MEMO1: variants seen among roughly 807,000 people sequenced by gnomAD.
The protein encoded by MEMO1 is protein MEMO1.
In MEMO1, 6 loss-of-function variants were observed where a neutral mutation model predicts 45.2. The ratio of observed to expected loss-of-function variants is 0.13; its 90% confidence interval spans 0.07 to 0.26. MEMO1 has a LOEUF of 0.26. Among genes scored for constraint, MEMO1 ranks in the 10% least tolerant of loss-of-function variants. The probability of loss-of-function intolerance (pLI) is 1.00; values close to 1 mark genes in which losing one functional copy is unlikely to be tolerated. For synonymous variants in MEMO1, 78 were observed against 124.3 expected, an observed-to-expected ratio of 0.63 and a Z score of 2.48; for missense variants, 184 against 370.5, an observed-to-expected ratio of 0.50 and a Z score of 4.13.
At chr2:31,985,436 C>T (rs1285381024) in intron 2 of MEMO1, among the ~76,000 whole-genome samples, 1 of 152,292 alleles carries the variant, frequency 6.6e-6, no homozygotes, top group South Asian at 2.1e-4. Context: ...AGTGGTTCTC[C>T]TGCCTCAGCC....
At chr2:31,982,999 G>C (rs560201722) in intron 2 of MEMO1, among the ~76,000 whole-genome samples, 2 of 152,204 alleles carry the variant, frequency 1.3e-5, no homozygotes, top group East Asian at 3.9e-4. Flanking sequence ...AGCACTTTGG[G>C]AGGCCGAGGT....
At chr2:31,926,453 T>C (rs568224639) in intron 4 of MEMO1, among the ~76,000 whole-genome samples, 1 of 152,210 alleles carries the variant, frequency 6.6e-6, no homozygotes, top group African/African-American at 2.4e-5. Flanking sequence ...ATTAAGGTTT[T>C]CAAGTGAAAA....
chr2:31,955,612 T>C (rs992678999), intron 2 of MEMO1, among the ~76,000 whole-genome samples: 26 of 152,198 alleles, frequency 1.7e-4, no homozygotes, highest in African/African-American at 5.8e-4. Flanking sequence ...TTATTTCTTT[T>C]TTTTTCTTTT....
At chr2:31,989,982 G>C (rs1671744666) in intron 2 of MEMO1, among the ~76,000 whole-genome samples, 1 of 152,096 alleles carries the variant, frequency 6.6e-6, no homozygotes. Flanking sequence ...ACCGGGCATG[G>C]TGGTATACAC....
chr2:32,000,328 C>G (rs964864211), intron 2 of MEMO1, among the ~76,000 whole-genome samples: 2 of 151,808 alleles, frequency 1.3e-5, no homozygotes, highest in African/African-American at 4.8e-5. Flanking sequence ...CTCCTGGGTT[C>G]ACTCCACTCT....
intron 6 of MEMO1, among the ~76,000 whole-genome samples, chr2:31,898,617 G>C (rs190451808): frequency 6.6e-6 from 1 of 152,172 alleles, no homozygotes. Context: ...TTGCTGAGGA[G>C]TGTTTTACTT....
At chr2:31,938,713 T>C (rs1665232757) in intron 3 of MEMO1, among the ~76,000 whole-genome samples, 1 of 151,768 alleles carries the variant, frequency 6.6e-6, no homozygotes, top group Middle Eastern at 3.4e-3. Context: ...TTTATAAAAC[T>C]TAAAGTAAGT....
intron 3 of MEMO1, among the ~76,000 whole-genome samples, chr2:31,935,052 T>C (rs566115085): frequency 6.6e-6 from 1 of 152,282 alleles, no homozygotes; most frequent in East Asian, 1.9e-4. Flanking sequence ...TCTATGTACT[T>C]CAAAGTATTA....
At chr2:32,001,357 T>C (rs1673295742) in intron 2 of MEMO1, among the ~76,000 whole-genome samples, 1 of 152,054 alleles carries the variant, frequency 6.6e-6, no homozygotes, top group African/African-American at 2.4e-5. Context: ...ATAAATTTTA[T>C]TACGTCCAAT....
At chr2:31,880,360 A>G (rs1329718245) in intron 8 of MEMO1, among the ~76,000 whole-genome samples, 1 of 152,230 alleles carries the variant, frequency 6.6e-6, no homozygotes. Flanking sequence ...TTCTAAAGGT[A>G]AAAGTATTGG....
At chr2:31,920,719 A>C (rs1277079657) in intron 5 of MEMO1, 79 bp downstream of exon 5, 2 of 761,288 alleles carry the variant, frequency 2.6e-6, no homozygotes, top group Non-Finnish European at 3.9e-6. Context: ...TATGATATTC[A>C]TAAGTTTTTA....
intron 2 of MEMO1, among the ~76,000 whole-genome samples, chr2:31,957,012 T>C (rs1288718319): frequency 6.6e-6 from 1 of 151,946 alleles, no homozygotes; most frequent in African/African-American, 2.4e-5. Flanking sequence ...TGTGGTAGCA[T>C]GTGCCTGTAG....
intron 2 of MEMO1, among the ~76,000 whole-genome samples, chr2:31,955,820 C>G (rs570709197): frequency 6.6e-6 from 1 of 152,100 alleles, no homozygotes. Flanking sequence ...GTTGGTCAGG[C>G]TTGTCTCAAA....
At chr2:31,959,002 G>A (rs1018886407) in intron 2 of MEMO1, among the ~76,000 whole-genome samples, 1 of 152,138 alleles carries the variant, frequency 6.6e-6, no homozygotes, top group African/African-American at 2.4e-5. Flanking sequence ...ATAAATTGAA[G>A]GGGGATAAGA....
At chr2:31,949,679 G>A (rs184472051) in intron 2 of MEMO1, among the ~76,000 whole-genome samples, 1 of 146,644 alleles carries the variant, frequency 6.8e-6, no homozygotes, top group Non-Finnish European at 1.5e-5. Flanking sequence ...AGAAGGAACA[G>A]GACCTACTGT....
At chr2:31,967,028 G>A (rs1051197919) in intron 2 of MEMO1, among the ~76,000 whole-genome samples, 2 of 151,882 alleles carry the variant, frequency 1.3e-5, no homozygotes, top group African/African-American at 2.4e-5. Context: ...ATACTAAACT[G>A]TTTTGTAGTT....
intron 3 of MEMO1, among the ~76,000 whole-genome samples, chr2:31,938,666 A>C (rs1665225925): frequency 6.6e-6 from 1 of 152,148 alleles, no homozygotes; most frequent in Non-Finnish European, 1.5e-5. Flanking sequence ...AAAATAAAAA[A>C]TAAAAACTAA....
chr2:31,924,728 A>G (rs773690760), intron 4 of MEMO1, among the ~76,000 whole-genome samples: 1 of 152,178 alleles, frequency 6.6e-6, no homozygotes, highest in Non-Finnish European at 1.5e-5. Context: ...TCTGGCCCCA[A>G]AAAGCATTCC....
intron 2 of MEMO1, among the ~76,000 whole-genome samples, chr2:31,997,005 G>A (rs763560545): frequency 6.6e-6 from 1 of 152,160 alleles, no homozygotes; most frequent in Non-Finnish European, 1.5e-5. Context: ...TGAGCTGTCA[G>A]GGCTCAAGGG....
Sources: allele counts gnomAD v4.1 joint callset (sites outside exome capture counted in the v4.1 genomes callset), GRCh38; gene constraint gnomAD v4.1.1; transcripts MANE v1.5; gene names NCBI Gene and HGNC (gene_info 2026-07-23, HGNC 2026-07-21).